ENOX1: variants seen among roughly 807,000 people sequenced by gnomAD.
ENOX1 encodes the protein ecto-NOX disulfide-thiol exchanger 1.
Under a neutral mutation model 82.5 loss-of-function variants are expected in ENOX1, and 42 were observed. The observed-to-expected ratio is 0.51, with a 90% CI of 0.40 to 0.66. The LOEUF is 0.66. ENOX1 is among the 30% of genes least tolerant of loss of function. The probability of loss-of-function intolerance (pLI) is 0.00; values close to 1 mark genes in which losing one functional copy is unlikely to be tolerated. For synonymous variants in ENOX1, 271 were observed against 282.2 expected (o/e 0.96, Z 0.40); for missense variants, 608 against 811.6 (o/e 0.75, Z 3.05).
intron 3 of ENOX1, among the ~76,000 whole-genome samples, chr13:43,446,830 G>A (rs1478470648): frequency 2.0e-5 from 3 of 152,136 alleles, no homozygotes; most frequent in African/African-American, 7.2e-5. Context: ...CCCATCCTGG[G>A]GGCACAGTAC....
intron 2 of ENOX1, among the ~76,000 whole-genome samples, chr13:43,508,274 G>A (rs2077246318): frequency 6.6e-6 from 1 of 151,924 alleles, no homozygotes; most frequent in Non-Finnish European, 1.5e-5. Context: ...TGAGGATATG[G>A]CATTTTCTTC....
At chr13:43,496,977 T>C (rs2076819275) in intron 2 of ENOX1, among the ~76,000 whole-genome samples, 1 of 152,122 alleles carries the variant, frequency 6.6e-6, no homozygotes, top group Non-Finnish European at 1.5e-5. Context: ...ACATAAACTT[T>C]TGGGACTGTG....
intron 5 of ENOX1, among the ~76,000 whole-genome samples, chr13:43,392,839 T>G (rs2153582978): frequency 6.6e-6 from 1 of 152,384 alleles, no homozygotes; most frequent in South Asian, 2.1e-4. Flanking sequence ...ACTGATTTCC[T>G]TATGAATTTG....
At chr13:43,640,227 T>C (rs1045836592) in intron 2 of ENOX1, among the ~76,000 whole-genome samples, 16 of 152,356 alleles carry the variant, frequency 1.1e-4, no homozygotes, top group African/African-American at 3.6e-4. Context: ...TTTATGCCTA[T>C]TGAAAAATGT....
At chr13:43,243,062 G>C (rs1043866865) in intron 14 of ENOX1, among the ~76,000 whole-genome samples, 3 of 147,946 alleles carry the variant, frequency 2.0e-5, no homozygotes, top group Non-Finnish European at 4.4e-5. Context: ...CTTGAACCCG[G>C]AAGGTGGAGG....
intron 2 of ENOX1, among the ~76,000 whole-genome samples, chr13:43,505,924 T>C (rs146969133): frequency 0.01 from 1,564 of 152,204 alleles, 31 homozygotes; most frequent in African/African-American, 0.036. Context: ...GGATTAATTT[T>C]TGTATAAGGT....
At chr13:43,726,141 C>T (rs2088935721) in intron 1 of ENOX1, among the ~76,000 whole-genome samples, 3 of 151,380 alleles carry the variant, frequency 2.0e-5, no homozygotes, top group East Asian at 3.9e-4. Flanking sequence ...AAACATAAAT[C>T]CACAATAAAG....
At chr13:43,700,312 T>C (rs907770968) in intron 1 of ENOX1, among the ~76,000 whole-genome samples, 3 of 152,164 alleles carry the variant, frequency 2.0e-5, no homozygotes, top group African/African-American at 7.2e-5. Flanking sequence ...TGGGATATTT[T>C]CTTGGGTTTT....
intron 3 of ENOX1, among the ~76,000 whole-genome samples, chr13:43,463,577 C>A (rs1462175701): frequency 1.3e-5 from 2 of 152,156 alleles, no homozygotes; most frequent in Non-Finnish European, 2.9e-5. Flanking sequence ...ACTTCAAACA[C>A]CAGCAGACTG....
At chr13:43,709,780 T>C (rs1204736576) in intron 1 of ENOX1, among the ~76,000 whole-genome samples, 1 of 152,156 alleles carries the variant, frequency 6.6e-6, no homozygotes, top group Non-Finnish European at 1.5e-5. Context: ...ATATCAAATC[T>C]TCTTGAAAAT....
intron 14 of ENOX1, among the ~76,000 whole-genome samples, chr13:43,260,894 A>ATGGT (rs1694688975): frequency 6.6e-6 from 1 of 152,216 alleles, no homozygotes; most frequent in African/African-American, 2.4e-5. Flanking sequence ...TTACACTTAA[A>ATGGT]TGGTTGACTT....
At chr13:43,548,609 T>C (rs1298936871) in intron 2 of ENOX1, among the ~76,000 whole-genome samples, 1 of 152,200 alleles carries the variant, frequency 6.6e-6, no homozygotes, top group African/African-American at 2.4e-5. Context: ...GTTCAACAAA[T>C]GTCTCAGGAT....
At chr13:43,337,445 C>T (rs2048779215) in intron 9 of ENOX1, among the ~76,000 whole-genome samples, 1 of 152,056 alleles carries the variant, frequency 6.6e-6, no homozygotes, top group Admixed American at 6.5e-5. Context: ...ACAAGCGCTG[C>T]AGAAGGTAGG....
intron 11 of ENOX1, among the ~76,000 whole-genome samples, chr13:43,306,244 G>T (rs2046852396): frequency 6.6e-6 from 1 of 152,212 alleles, no homozygotes; most frequent in Non-Finnish European, 1.5e-5. Flanking sequence ...CCAGGAGGAT[G>T]TGCCATGGCT....
chr13:43,543,228 A>G (rs544499799), intron 2 of ENOX1, among the ~76,000 whole-genome samples: 1 of 152,208 alleles, frequency 6.6e-6, no homozygotes, highest in South Asian at 2.1e-4. Flanking sequence ...AGTGGTAAAA[A>G]GAGGAAGGAA....
chr13:43,642,334 A>C (rs2083690909), intron 2 of ENOX1, among the ~76,000 whole-genome samples: 1 of 152,172 alleles, frequency 6.6e-6, no homozygotes, highest in African/African-American at 2.4e-5. Context: ...GGGAGCTGGA[A>C]GCTGAGAAAA....
intron 3 of ENOX1, among the ~76,000 whole-genome samples, chr13:43,440,412 T>G (rs767265945): frequency 1.3e-5 from 2 of 152,216 alleles, no homozygotes; most frequent in Non-Finnish European, 2.9e-5. Context: ...TGTTTTTAGG[T>G]TCCAAGTTAA....
intron 14 of ENOX1, among the ~76,000 whole-genome samples, chr13:43,261,732 C>T (rs375118767): frequency 6.8e-6 from 1 of 148,002 alleles, no homozygotes; most frequent in African/African-American, 2.5e-5. Context: ...AGTAAACTAT[C>T]ACAAGAACAA....
Position 43,566,333 on chromosome 13 carries a change from G to A in ENOX1, c.-218-82181C>T, listed in dbSNP as rs892849688. Among the ~76,000 whole-genome samples the A allele has an allele frequency of 2.0e-5, 3 of 152,130 alleles. No homozygotes were observed. In the East Asian group the frequency reaches 5.8e-4, roughly 29 times the overall value. The stretch of plus-strand genomic sequence containing the variant: ...AAAGGATGATTATCTCACAGTCAAT[G>A]AACTTGGTGACAAATTATAGGTATT... On this transcript the variant is annotated intron_variant, in intron 2 of 16. Transcript: ENST00000690772.
Sources: allele counts gnomAD v4.1 joint callset (sites outside exome capture counted in the v4.1 genomes callset), GRCh38; gene constraint gnomAD v4.1.1; transcripts MANE v1.5; gene names NCBI Gene and HGNC (gene_info 2026-07-23, HGNC 2026-07-21).